Variants in ABHD13 observed in about 807,000 individuals in gnomAD.
ABHD13 encodes protein ABHD13.
In ABHD13, 7 loss-of-function variants were observed where a neutral mutation model predicts 25.2. That is an observed-to-expected ratio of 0.28 (90% CI 0.16 to 0.52). The LOEUF is 0.52. Among genes scored for constraint, ABHD13 ranks in the 20% least tolerant of loss-of-function variants. The pLI, the probability that ABHD13 is intolerant of heterozygous loss-of-function variation, is 0.96. For missense variants in ABHD13, 302 were observed against 402.7 expected (o/e 0.75, Z 2.14); for synonymous variants, 133 against 136.1 (o/e 0.98, Z 0.16).
intron 1 of ABHD13, among the ~76,000 whole-genome samples, chr13:108,227,190 T>C (rs1470149754): frequency 6.6e-6 from 1 of 152,170 alleles, no homozygotes; most frequent in African/African-American, 2.4e-5. Flanking sequence ...TTATTATTCC[T>C]AGCCAGTAAT....
At chr13:108,226,446 A>G (rs1304828382) in intron 1 of ABHD13, among the ~76,000 whole-genome samples, 1 of 152,176 alleles carries the variant, frequency 6.6e-6, no homozygotes, top group Non-Finnish European at 1.5e-5. Flanking sequence ...GTAGCTCATC[A>G]GTAGGAGCCA....
chr13:108,223,299 C>G (rs962176605), intron 1 of ABHD13, among the ~76,000 whole-genome samples: 2 of 152,190 alleles, frequency 1.3e-5, no homozygotes, highest in Non-Finnish European at 2.9e-5. Flanking sequence ...TGCCAAACCT[C>G]TAAGTCTGAA....
rs1879839725 is a variant in ABHD13 at position 108,232,952 on chromosome 13, GAATT to G, written c.*2724_*2727del. The G allele has an allele frequency of 1.2e-5, 2 of 166,812 alleles. No individual in the cohort carries two copies. Among genetic ancestry groups the G allele is most frequent in the African/African-American group, 4.8e-5 (2 of 41,404 alleles). The allele number at this position is 166,812 out of a possible 1,614,324, so 10.3% of individuals were successfully genotyped here. A position where few individuals can be genotyped will look rare whatever the true frequency, so the allele number is the denominator to read the frequency against. On this transcript the variant is annotated 3_prime_UTR_variant, in exon 2 of 2. Transcript: ENST00000375898. ...TTTAAATTTAGATGTAGAAAATAAT[GAATT>G]AATGAGATTGGTGAAAGGAAATCAT...
At chr13:108,221,960 C>G (rs1879577944) in intron 1 of ABHD13, among the ~76,000 whole-genome samples, 1 of 151,992 alleles carries the variant, frequency 6.6e-6, no homozygotes, top group African/African-American at 2.4e-5. Flanking sequence ...GCCTCAGTCT[C>G]CCTAGTAGCT....
At position 108,229,226 on chromosome 13, in the gene ABHD13, A is replaced by C; in HGVS notation, c.8A>C (p.Lys3Thr). ...TACTTACAGAGAGCTACAATGGAAAAGTCCTGGATGCTGTGGAACTTTGTT... is the reference window on the plus strand; with the variant it reads ...TACTTACAGAGAGCTACAATGGAAACGTCCTGGATGCTGTGGAACTTTGTT... ME[K>T]SWMLWNFVER... The change falls in exon 2 of 2, where the codon AAG becomes ACG. Residue 3 changes from lysine to threonine, a missense_variant. Physicochemically the swap from Lys to Thr is moderately conservative, Grantham distance 78. Transcript: ENST00000375898. The surrounding 1 kb of genome is among the most constrained non-coding windows in gnomAD (Gnocchi z 4.7). 1.3e-6 allele frequency: 2 copies of C among 1,541,868 alleles called. No homozygotes were observed. The highest frequency in any genetic ancestry group is 1.7e-6 in the Non-Finnish European group (2 of 1,152,366).
intron 1 of ABHD13, among the ~76,000 whole-genome samples, chr13:108,220,542 G>A (rs982032275): frequency 3.9e-5 from 6 of 151,922 alleles, no homozygotes; most frequent in Admixed American, 1.3e-4. Context: ...GCCTTTTTTC[G>A]TGTGGACTTA....
In ABHD13 at chr13:108,229,545, C is replaced by A. The variant is rs199630755; in HGVS notation, c.327C>A (p.Asp109Glu). Residue 109 changes from aspartate to glutamate, a missense_variant, in exon 2 of 2, where the codon GAC becomes GAA. By Grantham distance (45) the Asp-to-Glu change is conservative. Coordinates refer to ENST00000375898, the MANE Select transcript of ABHD13 (RefSeq NM_032859.3). This position sits in a 1 kb window ranked among gnomAD's most constrained non-coding sequence, Gnocchi z 4.7. ...LNLILIRYTG[D>E]NSPYSPTIIY... The stretch of plus-strand genomic sequence containing the variant: ...TTATTTTGATACGATACACTGGAGA[C>A]AATTCACCCTATTCCCCAACTATAA... The A allele has an allele frequency of 1.9e-5, 30 of 1,613,196 alleles. No individual in the cohort carries two copies. The highest frequency in any genetic ancestry group is 2.2e-5 in the Non-Finnish European group (26 of 1,179,556).
rs2139017323 is a variant in ABHD13, at chr13:108,232,736, A to G, written c.*2504A>G. 6.0e-6 allele frequency: 1 copy of G among 167,048 alleles called. No individual in the cohort carries two copies. The highest frequency in any genetic ancestry group is 6.6e-5 in the Admixed American group (1 of 15,262). 10.3% of individuals were successfully genotyped at this position (167,048 alleles called of 1,614,324 possible). A position where few individuals can be genotyped will look rare whatever the true frequency, so the allele number is the denominator to read the frequency against. ...CTAGAGTGATCTTAAATATGGCAAG[A>G]TACAGCTCATTTAGAATAAAATCTC... On this transcript the variant is annotated 3_prime_UTR_variant, in exon 2 of 2. Transcript: ENST00000375898.
At position 108,223,031 on chromosome 13, in the gene ABHD13, C is replaced by T. The variant is rs191932855; in HGVS notation, c.-21+4372C>T. Among the ~76,000 whole-genome samples, 3 of 152,330 alleles carry T rather than the reference C, an allele frequency of 2.0e-5. No homozygotes were observed. The East Asian group carries it at 5.8e-4, about 29-fold the overall frequency. On this transcript the variant is annotated intron_variant, in intron 1 of 1. Transcript: ENST00000375898. Reference sequence around the variant, plus strand: ...TCCTTAAAGGTCAGTTATATTGTGCCATCTGAAACCTACATCAGAGAAATT... The same window carrying T: ...TCCTTAAAGGTCAGTTATATTGTGCTATCTGAAACCTACATCAGAGAAATT...
Position 108,230,290 on chromosome 13 carries a change from T to C in ABHD13, c.*58T>C, listed in dbSNP as rs917041306. The stretch of plus-strand genomic sequence containing the variant: ...AATTTGTGCAGAATGATAAAGAATG[T>C]TCCTTTTAGAAGTGTGTTATGTCTG... On this transcript the variant is annotated 3_prime_UTR_variant, in exon 2 of 2. Transcript: ENST00000375898. The C allele has an allele frequency of 1.8e-5, 25 of 1,402,502 alleles. No individual in the cohort carries two copies. Among genetic ancestry groups the C allele is most frequent in the Middle Eastern group, 2.3e-4 (1 of 4,440 alleles). The allele number at this position is 1,402,502 out of a possible 1,614,324, so 86.9% of individuals were successfully genotyped here.
At chr13:108,218,875 C>T (rs931003197) in intron 1 of ABHD13, among the ~76,000 whole-genome samples, 3 of 151,978 alleles carry the variant, frequency 2.0e-5, no homozygotes, top group African/African-American at 4.8e-5. Flanking sequence ...GCAGCCCTGC[C>T]GGCCGCCCCG....
At chr13:108,226,247 A>C (rs1879668957) in intron 1 of ABHD13, among the ~76,000 whole-genome samples, 1 of 152,158 alleles carries the variant, frequency 6.6e-6, no homozygotes, top group South Asian at 2.1e-4. Context: ...GGTGGGAGTG[A>C]GCACCACCCT....
At chr13:108,218,780 G>C (rs182950778) in intron 1 of ABHD13, 121 bp downstream of exon 1, 1 of 151,822 alleles carries the variant, frequency 6.6e-6, no homozygotes, top group Admixed American at 6.6e-5. Flanking sequence ...GGGAGGCTGT[G>C]GGGGGAGCCC....
chr13:108,229,510 C>T lies in ABHD13; in HGVS notation c.292C>T (p.Arg98Cys), dbSNP rs150882242. 4.2e-4 allele frequency: 683 copies of T among 1,613,370 alleles called. No individual in the cohort carries two copies. Among genetic ancestry groups the T allele is most frequent in the Non-Finnish European group, 5.5e-4 (645 of 1,179,614 alleles). ...TTTCATCAGAACCAAAGATGGAATA[C>T]GTCTGAATCTTATTTTGATACGATA... ...NIFIRTKDGI[R>C]LNLILIRYTG... The change falls in exon 2 of 2, where the codon CGT (arginine) becomes TGT (cysteine). Residue 98 changes from arginine (R) to cysteine (C), a missense_variant. Transcript: ENST00000375898. This position sits in a 1 kb window ranked among gnomAD's most constrained non-coding sequence, Gnocchi z 4.7.
At chr13:108,221,392 A>G (rs1459000381) in intron 1 of ABHD13, among the ~76,000 whole-genome samples, 1 of 152,206 alleles carries the variant, frequency 6.6e-6, no homozygotes, top group South Asian at 2.1e-4. Context: ...AGATTGATAT[A>G]AGAATACTGA....
rs1279186382 is a variant in ABHD13, at chr13:108,232,848, TAAGAG to T, written c.*2621_*2625del. 6.0e-6 allele frequency: 1 copy of T among 166,672 alleles called. No individual in the cohort carries two copies. 10.3% of individuals were successfully genotyped at this position (166,672 alleles called of 1,614,324 possible). A position where few individuals can be genotyped will look rare whatever the true frequency, so the allele number is the denominator to read the frequency against. ...GGACCCTAAAAAGAATTCTGCAAAA[TAAGAG>T]AAGAAATAATTTGTGACAGGTAATA... On this transcript the variant is annotated 3_prime_UTR_variant, in exon 2 of 2. Transcript: ENST00000375898.
chr13:108,220,659 A>G (rs1008401431), intron 1 of ABHD13, among the ~76,000 whole-genome samples: 1 of 152,212 alleles, frequency 6.6e-6, no homozygotes, highest in South Asian at 2.1e-4. Context: ...AACTCCTACA[A>G]CAGTATATTC....
At chr13:108,227,685 C>T (rs1349309068) in intron 1 of ABHD13, among the ~76,000 whole-genome samples, 2 of 151,978 alleles carry the variant, frequency 1.3e-5, no homozygotes, top group African/African-American at 4.8e-5. Flanking sequence ...ATGTCTGTAA[C>T]ATTTATGAAT....
At chr13:108,227,353 A>T (rs973021576) in intron 1 of ABHD13, among the ~76,000 whole-genome samples, 1 of 152,132 alleles carries the variant, frequency 6.6e-6, no homozygotes, top group South Asian at 2.1e-4. Flanking sequence ...AAAGTGCTGT[A>T]CTAGATATTA....
Sources: gnomAD v4.1 joint callset for allele counts (sites outside exome capture counted in the v4.1 genomes callset) on GRCh38, gnomAD v4.1.1 for gene constraint, Gnocchi (gnomAD v3.1) non-coding constraint, MANE v1.5 for transcripts, NCBI Gene and HGNC (gene_info 2026-07-23, HGNC 2026-07-21) for gene names.